Variants in LARP4B observed in about 807,000 individuals in gnomAD.
LARP4B encodes the protein La ribonucleoprotein 4B.
Under a neutral mutation model 89.8 loss-of-function variants are expected in LARP4B, and 12 were observed. The ratio of observed to expected loss-of-function variants is 0.13; its 90% CI spans 0.09 to 0.22. The LOEUF (loss-of-function observed/expected upper bound fraction) is 0.22. LARP4B is among the 10% of genes least tolerant of loss of function. The pLI, the probability that LARP4B is intolerant of heterozygous loss-of-function variation, is 1.00. For synonymous variants in LARP4B, 367 were observed against 363.3 expected, an observed-to-expected ratio of 1.01 and a Z score of -0.12; for missense variants, 757 against 947.7, an observed-to-expected ratio of 0.80 and a Z score of 2.64.
chr10:916,492 T>C (rs541950674), intron 1 of LARP4B, among the ~76,000 whole-genome samples: 1 of 152,248 alleles, frequency 6.6e-6, no homozygotes, highest in East Asian at 1.9e-4. Context: ...GGTCAGGAGT[T>C]CGAGACCAGC....
chr10:877,977 G>C (rs1245942227), intron 3 of LARP4B, among the ~76,000 whole-genome samples: 2 of 152,178 alleles, frequency 1.3e-5, no homozygotes, highest in Non-Finnish European at 2.9e-5. Context: ...CGGATAGATG[G>C]GGCTCGCTGA....
the LARP4B span, among the ~76,000 whole-genome samples, chr10:951,561 C>T: frequency 6.6e-6 from 1 of 152,046 alleles, no homozygotes; most frequent in Non-Finnish European, 1.5e-5. Context: ...AAAAAGTCCA[C>T]TCTGCAGAGA....
the LARP4B span, among the ~76,000 whole-genome samples, chr10:958,452 C>A: frequency 6.6e-6 from 1 of 152,324 alleles, no homozygotes; most frequent in South Asian, 2.1e-4. Flanking sequence ...TTTAAGCATC[C>A]TGCAGCCTAA....
intron 1 of LARP4B, among the ~76,000 whole-genome samples, chr10:930,190 A>C (rs923912219): frequency 6.6e-6 from 1 of 152,266 alleles, no homozygotes; most frequent in African/African-American, 2.4e-5. Flanking sequence ...TTTCAAGTGC[A>C]TTTAAATATT....
chr10:867,938 T>C (rs1191235488), intron 3 of LARP4B, among the ~76,000 whole-genome samples: 1 of 149,722 alleles, frequency 6.7e-6, no homozygotes, highest in Non-Finnish European at 1.5e-5. Flanking sequence ...TAAAAATGTA[T>C]GGCTAAGCAA....
the LARP4B span, among the ~76,000 whole-genome samples, chr10:953,999 G>A: frequency 2.0e-5 from 3 of 152,236 alleles, no homozygotes; most frequent in African/African-American, 4.8e-5. Flanking sequence ...CGGAGGCCAG[G>A]CCTGCCAGGC....
At chr10:862,804 C>T (rs1405726476) in intron 5 of LARP4B, among the ~76,000 whole-genome samples, 1 of 152,058 alleles carries the variant, frequency 6.6e-6, no homozygotes, top group African/African-American at 2.4e-5. Context: ...TTTCCAGTAA[C>T]GTGTGGTACA....
chr10:820,271 G>A (rs952470684), intron 14 of LARP4B: 1 of 153,140 alleles, frequency 6.5e-6, no homozygotes, highest in Non-Finnish European at 1.5e-5. Flanking sequence ...CATGTCTCAT[G>A]TACTTACCGC....
At chr10:870,586 C>A (rs762834542) in intron 3 of LARP4B, among the ~76,000 whole-genome samples, 2 of 152,238 alleles carry the variant, frequency 1.3e-5, no homozygotes, top group African/African-American at 4.8e-5. Flanking sequence ...TTAAAGTCGA[C>A]TGTGTAAGAG....
At chr10:886,110 G>A (rs937246028) in intron 1 of LARP4B, among the ~76,000 whole-genome samples, 5 of 151,966 alleles carry the variant, frequency 3.3e-5, no homozygotes, top group African/African-American at 9.7e-5. Flanking sequence ...CACACCACTC[G>A]ATAGCAAAAT....
chr10:900,420 C>T (rs1233340113), intron 1 of LARP4B, among the ~76,000 whole-genome samples: 79 of 45,190 alleles, frequency 1.7e-3, no homozygotes, highest in East Asian at 3.1e-3. Flanking sequence ...AGAAGGATGT[C>T]TTTTTTTTTT....
chr10:961,857 C>T, the LARP4B span, among the ~76,000 whole-genome samples: 1 of 152,188 alleles, frequency 6.6e-6, no homozygotes, highest in Non-Finnish European at 1.5e-5. Flanking sequence ...CCACTGGGCC[C>T]CACCTCCAAC....
the LARP4B span, among the ~76,000 whole-genome samples, chr10:937,430 G>A: frequency 2.6e-5 from 4 of 152,280 alleles, no homozygotes; most frequent in African/African-American, 9.6e-5. Flanking sequence ...GTGAAACTCT[G>A]TTGAGGATAT....
Position 842,984 on chromosome 10 carries a change from G to A in LARP4B, c.594C>T (p.Asp198=). The change falls in exon 7 of 18, where the codon GAC becomes GAT. Residue 198 remains aspartate, a synonymous_variant. Coordinates refer to ENST00000316157, the MANE Select transcript of LARP4B (RefSeq NM_015155.3). ...YVPITTVANL[D]HIKKLSTDVD... is the part of the protein sequence containing the mutation. The stretch of plus-strand genomic sequence containing the variant: ...CATCAGTGCTGAGCTTCTTGATGTG[G>A]TCGAGGTTAGCCACCGTTGTGATTG... 6.2e-7 allele frequency: 1 copy of A among 1,614,136 alleles called. No homozygotes were observed. Among genetic ancestry groups the A allele is most frequent in the Non-Finnish European group, 8.5e-7 (1 of 1,179,984 alleles).
chr10:952,536 G>A, the LARP4B span, among the ~76,000 whole-genome samples: 2 of 107,198 alleles, frequency 1.9e-5, no homozygotes, highest in Non-Finnish European at 3.7e-5. Flanking sequence ...AATCGCACCA[G>A]CCCAGAACCA....
intron 1 of LARP4B, among the ~76,000 whole-genome samples, chr10:895,388 T>C (rs1304503019): frequency 6.7e-6 from 1 of 150,186 alleles, no homozygotes; most frequent in African/African-American, 2.4e-5. Flanking sequence ...CACAGCAGCT[T>C]AGAAAAAAAA....
intron 7 of LARP4B, among the ~76,000 whole-genome samples, chr10:838,762 T>C (rs1426646173): frequency 1.3e-5 from 2 of 152,202 alleles, no homozygotes; most frequent in African/African-American, 4.8e-5. Flanking sequence ...TGCTCCTTGG[T>C]ATTTATCCAA....
rs1833703046 is a variant in LARP4B at position 844,975 on chromosome 10, A to C, written c.509+2T>G. On this transcript the variant is annotated splice_donor_variant, in intron 6 of 17. Transcript: ENST00000316157. LOFTEE classifies it high-confidence loss of function. ...TACTAGAAAAACCACCACCAGCCTT[A>C]CCTAGATAAGCAGAATTCCAATGTT... The C allele has an allele frequency of 6.2e-7, 1 of 1,609,278 alleles. No individual in the cohort carries two copies. Among genetic ancestry groups the C allele is most frequent in the Non-Finnish European group, 8.5e-7 (1 of 1,178,272 alleles).
chr10:859,689 T>C (rs1834491729), intron 5 of LARP4B, among the ~76,000 whole-genome samples: 1 of 152,192 alleles, frequency 6.6e-6, no homozygotes, highest in African/African-American at 2.4e-5. Flanking sequence ...TGGAATGTTA[T>C]TCAGTGCTAA....
Sources: allele counts gnomAD v4.1 joint callset (sites outside exome capture counted in the v4.1 genomes callset), GRCh38; gene constraint gnomAD v4.1.1; transcripts MANE v1.5; gene names NCBI Gene and HGNC (gene_info 2026-07-23, HGNC 2026-07-21).